The following RAB10 variants were observed in gnomAD, a reference collection of about 807,000 sequenced individuals.
RAB10 encodes the protein ras-related protein Rab-10.
In RAB10, 5 loss-of-function variants were observed where a neutral mutation model predicts 25.7. The observed-to-expected ratio is 0.19, with a 90% confidence interval of 0.10 to 0.41. The LOEUF (loss-of-function observed/expected upper bound fraction) is 0.41, where lower values mean the gene tolerates loss of function less well. Ranked by LOEUF, RAB10 falls within the 10% of genes least tolerant of loss-of-function variation. The probability of loss-of-function intolerance (pLI) is 1.00; values close to 1 mark genes in which losing one functional copy is unlikely to be tolerated. For synonymous variants in RAB10, 89 were observed against 86.4 expected (o/e 1.03, Z -0.16); for missense variants, 103 against 245.8 (o/e 0.42, Z 3.89).
intron 1 of RAB10, among the ~76,000 whole-genome samples, chr2:26,092,741 A>G (rs1482647958): frequency 2.0e-5 from 3 of 152,100 alleles, no homozygotes; most frequent in Non-Finnish European, 4.4e-5. Context: ...ATCAGTTGTC[A>G]CACTTGTCAT....
chr2:26,049,306 C>CT (rs1666083023), intron 1 of RAB10, among the ~76,000 whole-genome samples: 1 of 150,256 alleles, frequency 6.7e-6, no homozygotes, highest in Non-Finnish European at 1.5e-5. Flanking sequence ...TGTAGGAGTT[C>CT]TCAAGATTTC....
intron 1 of RAB10, among the ~76,000 whole-genome samples, chr2:26,040,933 G>C (rs1450223019): frequency 6.6e-6 from 1 of 152,094 alleles, no homozygotes; most frequent in Non-Finnish European, 1.5e-5. Flanking sequence ...AGATTTATTG[G>C]AGACTGCTGC....
intron 3 of RAB10, among the ~76,000 whole-genome samples, chr2:26,113,780 A>G (rs985487695): frequency 2.6e-5 from 4 of 151,464 alleles, no homozygotes; most frequent in Non-Finnish European, 2.9e-5. Context: ...AAAAAAAGCC[A>G]TCCAGAGTGA....
intron 1 of RAB10, among the ~76,000 whole-genome samples, chr2:26,044,168 A>G (rs1411671587): frequency 1.3e-5 from 2 of 152,192 alleles, no homozygotes; most frequent in African/African-American, 4.8e-5. Flanking sequence ...AATGGTTTAA[A>G]TGGTAAATGT....
chr2:26,042,730 A>G (rs1470111254), intron 1 of RAB10: 1 of 151,634 alleles, frequency 6.6e-6, no homozygotes, highest in Admixed American at 6.6e-5. Context: ...GAAGATTAGT[A>G]TGGTCCCTGC....
chr2:26,053,574 CT>C (rs1666180201), intron 1 of RAB10, among the ~76,000 whole-genome samples: 1 of 152,090 alleles, frequency 6.6e-6, no homozygotes, highest in Non-Finnish European at 1.5e-5. Flanking sequence ...AGTTATCATT[CT>C]TGATTTTTTG....
chr2:26,114,976 G>T (rs943600630), intron 3 of RAB10, among the ~76,000 whole-genome samples: 4 of 152,102 alleles, frequency 2.6e-5, no homozygotes, highest in Non-Finnish European at 5.9e-5. Flanking sequence ...CAAAAGAAAA[G>T]AAATGGATAA....
intron 1 of RAB10, among the ~76,000 whole-genome samples, chr2:26,055,480 C>T (rs953576632): frequency 1.3e-5 from 2 of 151,696 alleles, no homozygotes; most frequent in Non-Finnish European, 2.9e-5. Context: ...CTCTGCCTCC[C>T]GGGTTCAAGT....
At chr2:26,126,150 G>A (rs1320990014) in intron 3 of RAB10, among the ~76,000 whole-genome samples, 3 of 152,208 alleles carry the variant, frequency 2.0e-5, no homozygotes, top group East Asian at 3.9e-4. Context: ...CATCCTTGTC[G>A]AGGGTCATTT....
chr2:26,116,897 C>T (rs1667701381), intron 3 of RAB10, among the ~76,000 whole-genome samples: 1 of 151,248 alleles, frequency 6.6e-6, no homozygotes, highest in South Asian at 2.1e-4. Flanking sequence ...GAGGGTCTTG[C>T]TGTGTTGCCC....
chr2:26,099,021 G>A (rs1667285915), intron 2 of RAB10, among the ~76,000 whole-genome samples: 1 of 152,184 alleles, frequency 6.6e-6, no homozygotes, highest in African/African-American at 2.4e-5. Context: ...AGGATTACAT[G>A]AAATAATATA....
rs1665718978 is a variant in RAB10, at chr2:26,034,477, C to A, written c.-132C>A. 4 of 1,249,234 alleles carry A rather than the reference C, an allele frequency of 3.2e-6. No individual in the cohort carries two copies. The highest frequency in any genetic ancestry group is 1.1e-6 in the Non-Finnish European group (1 of 910,556). 77.4% of individuals were successfully genotyped at this position (1,249,234 alleles called of 1,614,324 possible). On this transcript the variant is annotated 5_prime_UTR_variant, in exon 1 of 6. Coordinates refer to ENST00000264710, the MANE Select transcript of RAB10 (RefSeq NM_016131.5). ...CTCAAAGCTGTTCGTAGGTCGCCCG[C>A]GCCGTCTCGAGCCTTTTTCCCACGC...
At chr2:26,080,318 A>G (rs958982598) in intron 1 of RAB10, among the ~76,000 whole-genome samples, 1 of 152,236 alleles carries the variant, frequency 6.6e-6, no homozygotes, top group African/African-American at 2.4e-5. Context: ...AGAAACACCG[A>G]ATCACTGTTA....
At chr2:26,075,086 A>G (rs1230409206) in intron 1 of RAB10, among the ~76,000 whole-genome samples, 15 of 152,184 alleles carry the variant, frequency 9.9e-5, no homozygotes, top group Admixed American at 9.8e-4. Flanking sequence ...CTGGTTCTAA[A>G]TTTTGGAGCA....
intron 1 of RAB10, among the ~76,000 whole-genome samples, chr2:26,043,715 A>G (rs1241736146): frequency 6.6e-6 from 1 of 152,174 alleles, no homozygotes; most frequent in Non-Finnish European, 1.5e-5. Flanking sequence ...AATTAGTGGA[A>G]TAGTGGTTAC....
At chr2:26,107,063 T>C (rs1023739940) in intron 2 of RAB10, among the ~76,000 whole-genome samples, 1 of 151,850 alleles carries the variant, frequency 6.6e-6, no homozygotes, top group African/African-American at 2.4e-5. Flanking sequence ...CTGGCCAACA[T>C]GGCGAAAACC....
intron 1 of RAB10, among the ~76,000 whole-genome samples, chr2:26,091,532 GA>G (rs1343772993): frequency 9.9e-5 from 15 of 152,176 alleles, no homozygotes; most frequent in Non-Finnish European, 2.1e-4. Context: ...GCAGGGTAGA[GA>G]GGGGTAGGTG....
chr2:26,062,546 C>T (rs1218273288), intron 1 of RAB10, among the ~76,000 whole-genome samples: 2 of 151,940 alleles, frequency 1.3e-5, no homozygotes, highest in Non-Finnish European at 2.9e-5. Context: ...GACCTGGTGG[C>T]GCATACCTGT....
rs999603113 is a variant in RAB10 at position 26,102,770 on chromosome 2, A to G, written c.188+4048A>G. 1.1e-4 allele frequency among the ~76,000 whole-genome samples: 17 copies of G among 152,104 alleles called. 1 individual carries two copies. Among genetic ancestry groups the G allele is most frequent in the Admixed American group, 1.1e-3 (17 of 15,280 alleles). On this transcript the variant is annotated intron_variant, in intron 2 of 5. Coordinates refer to ENST00000264710, the MANE Select transcript of RAB10 (RefSeq NM_016131.5). ...GATTTTCTTAAGATTAAAAAGTCCA[A>G]GTCTTTCACTTAGCTAAACACCATT...
Sources: allele counts gnomAD v4.1 joint callset (sites outside exome capture counted in the v4.1 genomes callset), GRCh38; gene constraint gnomAD v4.1.1; transcripts MANE v1.5; gene names NCBI Gene and HGNC (gene_info 2026-07-23, HGNC 2026-07-21).